The following KIF26B variants were observed in gnomAD, a reference collection of about 807,000 sequenced individuals.
KIF26B encodes the protein kinesin-like protein KIF26B.
In KIF26B, 63 loss-of-function variants were observed where a neutral mutation model predicts 151.2. That is an observed-to-expected ratio of 0.42 (90% CI 0.34 to 0.51). KIF26B has a LOEUF of 0.51. KIF26B is among the 20% of genes least tolerant of loss of function. The pLI, the probability that KIF26B is intolerant of heterozygous loss-of-function variation, is 0.07. For synonymous variants in KIF26B, 1,357 were observed against 1,262.1 expected, an observed-to-expected ratio of 1.08 and a Z score of -1.59; for missense variants, 2,813 against 2,913.6, an observed-to-expected ratio of 0.97 and a Z score of 0.79.
At position 245,261,497 on chromosome 1, in the gene KIF26B, CTCTCTCCCTCCCT is replaced by C. The variant is rs1558366063; in HGVS notation, c.465+104815_465+104827del. 3.3e-3 allele frequency among the ~76,000 whole-genome samples: 364 copies of C among 111,930 alleles called. 3 individuals are homozygous for C. Among genetic ancestry groups the C allele is most frequent in the African/African-American group, 0.014 (354 of 25,106 alleles). 73.4% of individuals were successfully genotyped at this position (111,930 alleles called of 152,430 possible). ...TCTCTCTCTCTCTCTCTCTCTCTCT[CTCTCTCCCTCCCT>C]CCCTCCCTCCCTCTCTCTCCCTCTC... On this transcript the variant is annotated intron_variant, in intron 2 of 14. Coordinates refer to ENST00000407071, the MANE Select transcript of KIF26B (RefSeq NM_018012.4).
intron 4 of KIF26B, among the ~76,000 whole-genome samples, chr1:245,442,346 A>T (rs1659125837): frequency 6.6e-6 from 1 of 152,138 alleles, no homozygotes; most frequent in Non-Finnish European, 1.5e-5. Context: ...TGTGTTGAGA[A>T]GGGATGCTGT....
rs370046954 is a variant in KIF26B, at chr1:245,686,628, C to T, written c.3645C>T (p.Ser1215=). The change falls in exon 12 of 15, where the codon AGC becomes AGT. Residue 1215 remains serine, a synonymous_variant. Coordinates refer to ENST00000407071, the MANE Select transcript of KIF26B (RefSeq NM_018012.4). The surrounding 1 kb of genome is among the most constrained non-coding windows in gnomAD (Gnocchi z 5.6). ...GRPTSIISFN[S]DCSARALASG... is the part of the protein sequence containing the mutation. ...CCACCAGCATCATCAGCTTCAACAGCGACTGCTCTGCACGGGCCCTGGCCT... is the reference window on the plus strand; with the variant it reads ...CCACCAGCATCATCAGCTTCAACAGTGACTGCTCTGCACGGGCCCTGGCCT... 277 of 1,610,778 alleles carry T rather than the reference C, an allele frequency of 1.7e-4. No individual in the cohort carries two copies. The highest frequency in any genetic ancestry group is 2.2e-4 in the Non-Finnish European group (262 of 1,178,942).
intron 2 of KIF26B, among the ~76,000 whole-genome samples, chr1:245,297,188 C>T (rs895247821): frequency 1.3e-5 from 2 of 152,058 alleles, no homozygotes; most frequent in African/African-American, 2.4e-5. Flanking sequence ...ACTAAAAATA[C>T]AAAAATTAGC....
At chr1:245,229,894 G>A (rs1374935318) in intron 2 of KIF26B, among the ~76,000 whole-genome samples, 1 of 152,164 alleles carries the variant, frequency 6.6e-6, no homozygotes, top group Non-Finnish European at 1.5e-5. Context: ...CCGCACTTTG[G>A]GAGGCCGAGG....
chr1:245,413,521 G>A (rs1674337357), intron 3 of KIF26B, among the ~76,000 whole-genome samples: 1 of 152,044 alleles, frequency 6.6e-6, no homozygotes, highest in Non-Finnish European at 1.5e-5. Context: ...AAATTAGCTG[G>A]GCATGGTGGC....
intron 3 of KIF26B, among the ~76,000 whole-genome samples, chr1:245,368,395 A>C (rs990897253): frequency 6.6e-6 from 1 of 152,148 alleles, no homozygotes; most frequent in African/African-American, 2.4e-5. Flanking sequence ...GGGGTGTGGG[A>C]AGCAGCAGAG....
chr1:245,326,548 C>A (rs1671994528), intron 2 of KIF26B, among the ~76,000 whole-genome samples: 2 of 152,168 alleles, frequency 1.3e-5, no homozygotes, highest in Admixed American at 1.3e-4. Context: ...ATTTCTGTGG[C>A]CTCATCATGC....
intron 2 of KIF26B, among the ~76,000 whole-genome samples, chr1:245,217,226 T>G (rs376317383): frequency 1.6e-4 from 24 of 152,166 alleles, no homozygotes; most frequent in Admixed American, 3.9e-4. Context: ...AACAAAAACC[T>G]CCACCCAATT....
intron 9 of KIF26B, among the ~76,000 whole-genome samples, chr1:245,645,058 C>T (rs1230777078): frequency 6.6e-6 from 1 of 152,126 alleles, no homozygotes; most frequent in Non-Finnish European, 1.5e-5. Context: ...CTAGCTTTTG[C>T]ATGAAGTTAA....
rs1553277413 is a variant in KIF26B, at chr1:245,471,115, A to ATG, written c.1166+51386_1166+51387dup. The stretch of plus-strand genomic sequence containing the variant: ...AGCCTATTATTTAGATTTTGATAGT[A>ATG]TGTGTGTGTGTGTGTGTATATATAT... On this transcript the variant is annotated intron_variant, in intron 4 of 14. Coordinates refer to ENST00000407071, the MANE Select transcript of KIF26B (RefSeq NM_018012.4). Among the ~76,000 whole-genome samples the ATG allele has an allele frequency of 1.1e-3, 162 of 142,562 alleles. 2 individuals carry two copies. Among genetic ancestry groups the ATG allele is most frequent in the East Asian group, 4.6e-3 (22 of 4,822 alleles). The allele number at this position is 142,562 out of a possible 152,430, so 93.5% of individuals were successfully genotyped here.
chr1:245,161,703 T>C (rs544051471), intron 2 of KIF26B, among the ~76,000 whole-genome samples: 2 of 152,190 alleles, frequency 1.3e-5, no homozygotes, highest in Non-Finnish European at 2.9e-5. Flanking sequence ...ACCCTGGAAT[T>C]CCAAGTGCTT....
intron 2 of KIF26B, among the ~76,000 whole-genome samples, chr1:245,325,057 T>C (rs1434501057): frequency 7.0e-6 from 1 of 142,132 alleles, no homozygotes; most frequent in Non-Finnish European, 1.5e-5. Context: ...ATCACGCCAC[T>C]GCACTCCAGC....
intron 9 of KIF26B, among the ~76,000 whole-genome samples, chr1:245,637,344 C>T (rs2043844233): frequency 6.6e-6 from 1 of 152,010 alleles, no homozygotes; most frequent in African/African-American, 2.4e-5. Context: ...GTCTTTTGCT[C>T]ATTTTAAATT....
intron 5 of KIF26B, among the ~76,000 whole-genome samples, chr1:245,558,686 C>G (rs1662095748): frequency 6.6e-6 from 1 of 152,248 alleles, no homozygotes; most frequent in Non-Finnish European, 1.5e-5. Context: ...GGCATCCTGC[C>G]TGCCCTCTCT....
chr1:245,686,131 C>G lies in KIF26B; in HGVS notation c.3148C>G (p.Leu1050Val). ...SPSLQSSRESLNSCGFVEGKP... is the reference protein window; with the variant it reads ...SPSLQSSRESVNSCGFVEGKP... Reference sequence around the variant, plus strand: ...CAGCCTCCAGAGCAGCCGGGAGAGCCTCAACTCCTGCGGCTTCGTGGAAGG... The same window carrying G: ...CAGCCTCCAGAGCAGCCGGGAGAGCGTCAACTCCTGCGGCTTCGTGGAAGG... Residue 1050 changes from leucine (L) to valine (V), a missense_variant, in exon 12 of 15, where the codon CTC (leucine) becomes GTC (valine). Transcript: ENST00000407071. This position sits in a 1 kb window ranked among gnomAD's most constrained non-coding sequence, Gnocchi z 5.6. The G allele has an allele frequency of 6.2e-7, 1 of 1,611,966 alleles. No individual in the cohort carries two copies. The highest frequency in any genetic ancestry group is 2.2e-5 in the East Asian group (1 of 44,820).
intron 4 of KIF26B, among the ~76,000 whole-genome samples, chr1:245,520,663 T>TCCA (rs1661081614): frequency 6.7e-6 from 1 of 150,150 alleles, no homozygotes; most frequent in African/African-American, 2.5e-5. Flanking sequence ...CATCCATCCA[T>TCCA]TCTGTAAGTG....
At position 245,318,518 on chromosome 1, in the gene KIF26B, C is replaced by T. The variant is rs902212155; in HGVS notation, c.466-48316C>T. On this transcript the variant is annotated intron_variant, in intron 2 of 14. Coordinates refer to ENST00000407071, the MANE Select transcript of KIF26B (RefSeq NM_018012.4). This position sits in a 1 kb window ranked among gnomAD's most constrained non-coding sequence, Gnocchi z 4.0. ...TTGCTCATTAATATCTGCTTGGCTC[C>T]GGATCTGCAGGTAGAGCAGTGCTGG... 2.6e-5 allele frequency among the ~76,000 whole-genome samples: 4 copies of T among 152,096 alleles called. No homozygotes were observed. The highest frequency in any genetic ancestry group is 1.9e-4 in the East Asian group (1 of 5,186).
intron 4 of KIF26B, among the ~76,000 whole-genome samples, chr1:245,426,955 C>T (rs1658663028): frequency 6.6e-6 from 1 of 152,158 alleles, no homozygotes; most frequent in Non-Finnish European, 1.5e-5. Flanking sequence ...AGTCCCTGGG[C>T]CCTTAACAGT....
chr1:245,319,371 G>T (rs1671841320), intron 2 of KIF26B, among the ~76,000 whole-genome samples: 1 of 152,196 alleles, frequency 6.6e-6, no homozygotes, highest in South Asian at 2.1e-4. Flanking sequence ...ATTTGTCGTG[G>T]AGTCTTCTGC....
Sources: gnomAD v4.1 joint callset for allele counts (sites outside exome capture counted in the v4.1 genomes callset) on GRCh38, gnomAD v4.1.1 for gene constraint, Gnocchi (gnomAD v3.1) non-coding constraint, MANE v1.5 for transcripts, NCBI Gene and HGNC (gene_info 2026-07-23, HGNC 2026-07-21) for gene names.